NXPE2: variants seen among roughly 807,000 people sequenced by gnomAD.
NXPE2 encodes neurexophilin and PC-esterase domain family member 2.
NXPE2 carries 34 observed loss-of-function variants against 34.4 expected under a neutral mutation model. That is an observed-to-expected ratio of 0.99 (90% confidence interval 0.75 to 1.31). NXPE2 has a LOEUF of 1.31. NXPE2 is among the 40% of genes most tolerant of loss of function. The pLI, the probability that NXPE2 is intolerant of heterozygous loss-of-function variation, is 0.00. For missense variants in NXPE2, 649 were observed against 672.5 expected (o/e 0.97, Z 0.39); for synonymous variants, 235 against 231.3 (o/e 1.02, Z -0.15).
chr11:114,656,775 A>G, the NXPE2 span, among the ~76,000 whole-genome samples: 2 of 152,166 alleles, frequency 1.3e-5, no homozygotes, highest in Non-Finnish European at 2.9e-5. Flanking sequence ...TATTTATTAT[A>G]AAATACCCTT....
the NXPE2 span, among the ~76,000 whole-genome samples, chr11:114,783,095 A>G: frequency 6.6e-6 from 1 of 152,208 alleles, no homozygotes; most frequent in Non-Finnish European, 1.5e-5. Context: ...GCAAAGTCCA[A>G]AACGACAATG....
chr11:114,711,993 G>T (rs1281523936), downstream of NXPE2, among the ~76,000 whole-genome samples: 2 of 152,008 alleles, frequency 1.3e-5, no homozygotes, highest in Non-Finnish European at 2.9e-5. Flanking sequence ...CAACTACACA[G>T]TAGGGAAAAA....
At chr11:114,556,697 G>T in the NXPE2 span, among the ~76,000 whole-genome samples, 1 of 151,730 alleles carries the variant, frequency 6.6e-6, no homozygotes, top group East Asian at 1.9e-4. Flanking sequence ...TTTTTAAAAT[G>T]TATTTTTTTC....
chr11:114,538,112 A>C, the NXPE2 span, among the ~76,000 whole-genome samples: 1 of 152,228 alleles, frequency 6.6e-6, no homozygotes, highest in African/African-American at 2.4e-5. Flanking sequence ...CAGAGCCCTC[A>C]GAAATAATGC....
the NXPE2 span, among the ~76,000 whole-genome samples, chr11:114,591,912 C>T: frequency 6.6e-6 from 1 of 152,038 alleles, no homozygotes; most frequent in African/African-American, 2.4e-5. Context: ...TCAGGTGGCC[C>T]CTTCTCATTC....
At chr11:114,660,044 G>C in the NXPE2 span, among the ~76,000 whole-genome samples, 4 of 152,038 alleles carry the variant, frequency 2.6e-5, no homozygotes, top group South Asian at 8.3e-4. Flanking sequence ...ACAACTCAAA[G>C]GAAATGAGAA....
the NXPE2 span, among the ~76,000 whole-genome samples, chr11:114,569,222 T>A: frequency 1.3e-5 from 2 of 152,174 alleles, no homozygotes. Flanking sequence ...AAGAATATGG[T>A]ACCAAACTGC....
chr11:114,545,050 A>G, the NXPE2 span, among the ~76,000 whole-genome samples: 1 of 152,220 alleles, frequency 6.6e-6, no homozygotes, highest in Non-Finnish European at 1.5e-5. Context: ...AATTTAAAAA[A>G]AAACCTGACA....
chr11:114,674,623 G>A (rs1214775607), upstream of NXPE2, among the ~76,000 whole-genome samples: 2 of 151,134 alleles, frequency 1.3e-5, no homozygotes, highest in East Asian at 1.9e-4. Flanking sequence ...GAGAAAGAAC[G>A]ACACAAAGTA....
chr11:114,582,670 C>A, the NXPE2 span: 1 of 1,614,158 alleles, frequency 6.2e-7, no homozygotes, highest in Non-Finnish European at 8.5e-7. Flanking sequence ...CCTGAAGCAC[C>A]TGCCATCAGC....
intron 3 of NXPE2, among the ~76,000 whole-genome samples, chr11:114,699,985 G>C (rs1488775324): frequency 6.6e-6 from 1 of 151,968 alleles, no homozygotes; most frequent in Non-Finnish European, 1.5e-5. Context: ...GTAGAGACAG[G>C]GTTTTACCAT....
chr11:114,589,132 G>T, the NXPE2 span, among the ~76,000 whole-genome samples: 5 of 152,064 alleles, frequency 3.3e-5, no homozygotes, highest in Admixed American at 3.3e-4. Context: ...GGATATCCAG[G>T]AAGCAAGAAG....
the NXPE2 span, among the ~76,000 whole-genome samples, chr11:114,501,801 T>C: frequency 6.6e-6 from 1 of 152,098 alleles, no homozygotes; most frequent in Non-Finnish European, 1.5e-5. Flanking sequence ...AGTGAGAACA[T>C]TAGAATGAAT....
the NXPE2 span, among the ~76,000 whole-genome samples, chr11:114,610,510 C>A: frequency 6.6e-6 from 1 of 151,726 alleles, no homozygotes; most frequent in African/African-American, 2.4e-5. Context: ...AGTGTTGCCT[C>A]ATGTGTAACC....
chr11:114,698,476 C>T lies in NXPE2; in HGVS notation c.564C>T (p.Ser188=). ...CTCTGTTCTGGGAGGGCCAGGTTTC[C>T]CTGTCTCTGCTGCTCATCCACCCCA... ...SFTLFWEGQV[S]LSLLLIHPSE... Residue 188 remains serine (S), a synonymous_variant, in exon 3 of 6, where the codon TCC becomes TCT. Coordinates refer to ENST00000389586, the MANE Select transcript of NXPE2 (RefSeq NM_182495.6). 6.2e-7 allele frequency: 1 copy of T among 1,614,110 alleles called. No homozygotes were observed. Among genetic ancestry groups the T allele is most frequent in the Middle Eastern group, 1.6e-4 (1 of 6,062 alleles).
At chr11:114,725,967 T>TAAAA in the NXPE2 span, among the ~76,000 whole-genome samples, 22 of 77,034 alleles carry the variant, frequency 2.9e-4, no homozygotes, top group South Asian at 4.8e-4. Flanking sequence ...TAAAGTATAA[T>TAAAA]AAAAAAAAAA....
At chr11:114,640,609 C>T in the NXPE2 span, among the ~76,000 whole-genome samples, 28 of 151,904 alleles carry the variant, frequency 1.8e-4, no homozygotes, top group African/African-American at 6.5e-4. Context: ...CACATCTTCA[C>T]GAACATCTGT....
the NXPE2 span, among the ~76,000 whole-genome samples, chr11:114,716,461 C>T: frequency 1.3e-5 from 2 of 152,162 alleles, no homozygotes; most frequent in African/African-American, 4.8e-5. Context: ...GGTATGTTTC[C>T]TGTATCCTCC....
At chr11:114,809,741 A>G in the NXPE2 span, among the ~76,000 whole-genome samples, 1 of 132,222 alleles carries the variant, frequency 7.6e-6, no homozygotes, top group African/African-American at 2.8e-5. Context: ...GGAAGAATCA[A>G]TATCATGAAA....
Sources: gnomAD v4.1 joint callset for allele counts (sites outside exome capture counted in the v4.1 genomes callset) on GRCh38, gnomAD v4.1.1 for gene constraint, MANE v1.5 for transcripts, NCBI Gene and HGNC (gene_info 2026-07-23, HGNC 2026-07-21) for gene names.